GATA4: variants seen among roughly 807,000 people sequenced by gnomAD.
The protein encoded by GATA4 is transcription factor GATA-4.
In GATA4, 7 loss-of-function variants were observed where a neutral mutation model predicts 37.9. The ratio of observed to expected loss-of-function variants is 0.18; its 90% confidence interval spans 0.11 to 0.35. The LOEUF (loss-of-function observed/expected upper bound fraction) is 0.35, where lower values mean the gene tolerates loss of function less well. Among genes scored for constraint, GATA4 ranks in the 10% least tolerant of loss-of-function variants. GATA4 has a pLI of 1.00. For missense variants in GATA4, 647 were observed against 653.0 expected (o/e 0.99, Z 0.10); for synonymous variants, 372 against 292.6 (o/e 1.27, Z -2.77).
At chr8:11,757,158 C>G in intron 6 of GATA4, 75 bp downstream of exon 6, 1 of 1,581,448 alleles carries the variant, frequency 6.3e-7, no homozygotes. Context: ...CAGCCTAGTA[C>G]TGGGTGGGAC....
At chr8:11,758,200 A>T in intron 6 of GATA4, 93 bp from the exon 7 acceptor site, 1 of 1,229,174 alleles carries the variant, frequency 8.1e-7, no homozygotes, top group Non-Finnish European at 1.2e-6. Flanking sequence ...CATCCTGGGG[A>T]CATCTGCATA....
At chr8:11,680,590 G>T in intron 1 of GATA4, 1 of 985,356 alleles carries the variant, frequency 1.0e-6, no homozygotes, top group Non-Finnish European at 1.2e-6. Context: ...GCTATGCCCA[G>T]CCGGGTCCGA....
chr8:11,679,464 A>G (rs1418121655), intron 1 of GATA4, among the ~76,000 whole-genome samples: 2 of 152,240 alleles, frequency 1.3e-5, no homozygotes, highest in Non-Finnish European at 2.9e-5. Flanking sequence ...AGGCGGCGTC[A>G]GGCTTGGGCC....
chr8:11,690,676 C>G (rs534581835), upstream of GATA4, among the ~76,000 whole-genome samples: 125 of 152,282 alleles, frequency 8.2e-4, no homozygotes, highest in Non-Finnish European at 1.5e-3. Flanking sequence ...TCCAGAACAG[C>G]CTGGTCAACA....
chr8:11,755,704 A>C (rs1249726993), intron 5 of GATA4, among the ~76,000 whole-genome samples: 2 of 152,228 alleles, frequency 1.3e-5, no homozygotes, highest in African/African-American at 4.8e-5. Context: ...GAGGACAATG[A>C]TTTAACGAGG....
chr8:11,704,880 G>A (rs945640617), intron 1 of GATA4, among the ~76,000 whole-genome samples: 1 of 152,244 alleles, frequency 6.6e-6, no homozygotes, highest in Non-Finnish European at 1.5e-5. Context: ...CCTCGGGGCT[G>A]GGGTCCAGGG....
intron 1 of GATA4, chr8:11,681,462 GC>G (rs1798968341): frequency 1.0e-6 from 1 of 982,224 alleles, no homozygotes. Flanking sequence ...GGAATCCGGG[GC>G]CCGGTCCCCG....
At chr8:11,746,569 C>T (rs1222797517) in intron 2 of GATA4, among the ~76,000 whole-genome samples, 1 of 152,244 alleles carries the variant, frequency 6.6e-6, no homozygotes, top group African/African-American at 2.4e-5. Context: ...GCGCCCGCCT[C>T]TTGCTGTGGA....
rs1241529842 is a variant in GATA4 at position 11,680,391 on chromosome 8, C to T, written c.-274+3328C>T. On this transcript the variant is annotated intron_variant, in intron 1 of 6. Coordinates refer to the GATA4 transcript ENST00000528712. ...CTAACCAGGCCCCTCGGATTCATTG[C>T]CACTTTCCCGCCCTCGGCCCACGAG... 10 of 785,522 alleles carry T rather than the reference C, an allele frequency of 1.3e-5. No homozygotes were observed. The African/African-American group carries it at 1.7e-4, about 13-fold the overall frequency. The allele number at this position is 785,522 out of a possible 1,614,324, so 48.7% of individuals were successfully genotyped here.
At chr8:11,735,565 C>G (rs1458845576) in intron 2 of GATA4, among the ~76,000 whole-genome samples, 3 of 151,334 alleles carry the variant, frequency 2.0e-5, no homozygotes, top group African/African-American at 4.9e-5. Context: ...TTGTTTCTTT[C>G]TTTCTTTCTT....
At chr8:11,734,482 T>C (rs956632473) in intron 2 of GATA4, among the ~76,000 whole-genome samples, 19 of 152,286 alleles carry the variant, frequency 1.2e-4, no homozygotes, top group African/African-American at 4.3e-4. Flanking sequence ...ATATCTATTC[T>C]GTCTTTTCTT....
chr8:11,719,059 A>G (rs962198693), intron 2 of GATA4, among the ~76,000 whole-genome samples: 3 of 152,232 alleles, frequency 2.0e-5, no homozygotes, highest in African/African-American at 7.2e-5. Flanking sequence ...GAGTTCATCA[A>G]TTGAGCTGGG....
rs898091616 is a variant in GATA4, at chr8:11,709,597, C to T, written c.616+669C>T. On this transcript the variant is annotated intron_variant, in intron 2 of 6. Coordinates refer to ENST00000532059, the MANE Select transcript of GATA4 (RefSeq NM_001308093.3). The surrounding 1 kb of genome is among the most constrained non-coding windows in gnomAD (Gnocchi z 4.3). ...CAGCGGGGGGGGGGGCGCACACGCC[C>T]GGTCAGTGTCCGGGAACATAGGGAC... Among the ~76,000 whole-genome samples the T allele has an allele frequency of 6.6e-6, 1 of 150,428 alleles. No homozygotes were observed. The highest frequency in any genetic ancestry group is 2.4e-5 in the African/African-American group (1 of 40,988).
chr8:11,684,758 G>T (rs1799086026), intron 1 of GATA4, among the ~76,000 whole-genome samples: 2 of 152,132 alleles, frequency 1.3e-5, no homozygotes, highest in South Asian at 4.2e-4. Flanking sequence ...CCTTGTTTTT[G>T]TTTGGCTTTG....
upstream of GATA4, among the ~76,000 whole-genome samples, chr8:11,690,705 A>G (rs2129973836): frequency 6.6e-6 from 1 of 152,226 alleles, no homozygotes; most frequent in Non-Finnish European, 1.5e-5. Flanking sequence ...CCCCGTCTTT[A>G]CAAACAAACA....
intron 2 of GATA4, among the ~76,000 whole-genome samples, chr8:11,712,118 G>A (rs559351409): frequency 6.6e-6 from 1 of 152,312 alleles, no homozygotes; most frequent in African/African-American, 2.4e-5. Context: ...AGAAAAGTAA[G>A]GTAATACTTT....
At chr8:11,703,757 A>G (rs547694914), upstream of GATA4, among the ~76,000 whole-genome samples, 2 of 152,294 alleles carry the variant, frequency 1.3e-5, no homozygotes, top group South Asian at 2.1e-4. Context: ...ACCCCTGCCC[A>G]GGAACTAGCA....
At chr8:11,693,948 T>C (rs1323544267) in intron 1 of GATA4, among the ~76,000 whole-genome samples, 4 of 152,150 alleles carry the variant, frequency 2.6e-5, no homozygotes, top group African/African-American at 9.7e-5. Flanking sequence ...TGTGTGTGTG[T>C]TGAGGTCCAG....
At chr8:11,732,878 C>T (rs890487613) in intron 2 of GATA4, among the ~76,000 whole-genome samples, 5 of 152,144 alleles carry the variant, frequency 3.3e-5, no homozygotes, top group African/African-American at 1.2e-4. Flanking sequence ...AATATAAATC[C>T]AGACCACATG....
Sources: allele counts gnomAD v4.1 joint callset (sites outside exome capture counted in the v4.1 genomes callset), GRCh38; gene constraint gnomAD v4.1.1; non-coding constraint Gnocchi (gnomAD v3.1); transcripts MANE v1.5; gene names NCBI Gene and HGNC (gene_info 2026-07-23, HGNC 2026-07-21).